NRXN1: variants seen among roughly 807,000 people sequenced by gnomAD.
NRXN1 encodes the protein neurexin-1.
Under a neutral mutation model 150.9 loss-of-function variants are expected in NRXN1, and 39 were observed. The observed-to-expected ratio is 0.26, with a 90% CI of 0.20 to 0.34. NRXN1 has a LOEUF of 0.34. Among genes scored for constraint, NRXN1 ranks in the 10% least tolerant of loss-of-function variants. NRXN1 has a pLI of 1.00. For missense variants in NRXN1, 1,815 were observed against 1,949.9 expected, an observed-to-expected ratio of 0.93 and a Z score of 1.30; for synonymous variants, 924 against 757.0, an observed-to-expected ratio of 1.22 and a Z score of -3.62.
chr2:50,036,329 T>G (rs1690030148), intron 21 of NRXN1, among the ~76,000 whole-genome samples: 1 of 152,120 alleles, frequency 6.6e-6, no homozygotes, highest in Admixed American at 6.6e-5. Context: ...CCTTTGCCTT[T>G]CACCATGATT....
chr2:50,382,368 G>T (rs747762523), intron 17 of NRXN1, among the ~76,000 whole-genome samples: 1 of 152,170 alleles, frequency 6.6e-6, no homozygotes, highest in South Asian at 2.1e-4. Context: ...ATAACAAATT[G>T]TGGTTAGACA....
intron 17 of NRXN1, among the ~76,000 whole-genome samples, chr2:50,358,852 G>T (rs947605168): frequency 1.8e-4 from 27 of 152,196 alleles, no homozygotes; most frequent in African/African-American, 6.5e-4. Flanking sequence ...CATCTGGCAG[G>T]TGTCCCACTG....
chr2:50,317,681 A>AGTAAAACCATG (rs550326811), intron 17 of NRXN1, among the ~76,000 whole-genome samples: 7 of 152,148 alleles, frequency 4.6e-5, no homozygotes, highest in Non-Finnish European at 1.0e-4. Context: ...AAAGAAGAAA[A>AGTAAAACCATG]GTAAAACCAT....
intron 8 of NRXN1, among the ~76,000 whole-genome samples, chr2:50,553,384 T>A (rs1667798442): frequency 6.6e-6 from 1 of 152,218 alleles, no homozygotes; most frequent in South Asian, 2.1e-4. Flanking sequence ...GTTTCATAGT[T>A]GTCTATGATA....
At chr2:50,530,318 G>A (rs1475421206) in intron 11 of NRXN1, among the ~76,000 whole-genome samples, 1 of 152,104 alleles carries the variant, frequency 6.6e-6, no homozygotes, top group East Asian at 1.9e-4. Flanking sequence ...AATACTTCAT[G>A]TTGATGGCAT....
intron 5 of NRXN1, among the ~76,000 whole-genome samples, chr2:50,795,790 C>T (rs1706736071): frequency 6.6e-6 from 1 of 152,042 alleles, no homozygotes; most frequent in Non-Finnish European, 1.5e-5. Context: ...CTTTGTGTAT[C>T]CCTATGGTGC....
chr2:50,350,053 G>C (rs1484096831), intron 17 of NRXN1, among the ~76,000 whole-genome samples: 2 of 152,298 alleles, frequency 1.3e-5, no homozygotes, highest in East Asian at 3.9e-4. Context: ...TGTGAACACT[G>C]AATTAGCAAA....
intron 17 of NRXN1, among the ~76,000 whole-genome samples, chr2:50,358,739 C>T (rs903327246): frequency 6.6e-6 from 1 of 152,242 alleles, no homozygotes; most frequent in Non-Finnish European, 1.5e-5. Context: ...TGCTAAGGGA[C>T]AGACTGCCTT....
rs1002914606 is a variant in NRXN1, at chr2:50,373,858, T to C, written c.3364+91584A>G. Among the ~76,000 whole-genome samples the C allele has an allele frequency of 5.9e-5, 9 of 152,108 alleles. No individual in the cohort carries two copies. The South Asian group carries it at 1.0e-3, about 17-fold the overall frequency. ...TTAGCCCCAAAGTTATTTGTGATTA[T>C]TATTTGCTTTTGAGTTCTTGTATTT... On this transcript the variant is annotated intron_variant, in intron 17 of 22. Coordinates refer to ENST00000401669, the MANE Select transcript of NRXN1 (RefSeq NM_001330078.2).
chr2:50,593,278 C>G (rs996088358), intron 8 of NRXN1, among the ~76,000 whole-genome samples: 3 of 152,146 alleles, frequency 2.0e-5, no homozygotes, highest in Admixed American at 2.0e-4. Flanking sequence ...TTCCAGTCAG[C>G]CCAGCTCCAC....
At chr2:50,099,820 G>C (rs1700761215) in intron 18 of NRXN1, among the ~76,000 whole-genome samples, 1 of 152,116 alleles carries the variant, frequency 6.6e-6, no homozygotes, top group Non-Finnish European at 1.5e-5. Context: ...ATCTATCTAT[G>C]ACTTGGATCA....
chr2:50,055,674 G>C (rs1212538468), intron 19 of NRXN1, among the ~76,000 whole-genome samples: 1 of 152,128 alleles, frequency 6.6e-6, no homozygotes, highest in Admixed American at 6.6e-5. Context: ...GCATCATCCA[G>C]ATACGTTATT....
intron 17 of NRXN1, among the ~76,000 whole-genome samples, chr2:50,263,172 AC>A (rs2068481439): frequency 6.7e-6 from 1 of 149,230 alleles, no homozygotes; most frequent in East Asian, 2.0e-4. Flanking sequence ...ACACACACAC[AC>A]ACACACACAC....
chr2:50,687,236 G>A (rs1691371117), intron 5 of NRXN1, among the ~76,000 whole-genome samples: 1 of 152,140 alleles, frequency 6.6e-6, no homozygotes, highest in Non-Finnish European at 1.5e-5. Context: ...AGCAATTCTG[G>A]ATAACTGAAT....
At chr2:50,147,506 G>C (rs116552405) in intron 18 of NRXN1, among the ~76,000 whole-genome samples, 1,631 of 151,864 alleles carry the variant, frequency 0.011, 38 homozygotes, top group African/African-American at 0.038. Context: ...AAGAGAGCTA[G>C]AAAGGACAAA....
intron 18 of NRXN1, among the ~76,000 whole-genome samples, chr2:50,125,493 A>AT (rs1408289225): frequency 2.0e-5 from 3 of 152,060 alleles, no homozygotes; most frequent in Non-Finnish European, 4.4e-5. Context: ...CAACCTAGCT[A>AT]TTTCTTTTTC....
intron 8 of NRXN1, among the ~76,000 whole-genome samples, chr2:50,603,188 A>G (rs986567614): frequency 2.6e-5 from 4 of 152,204 alleles, no homozygotes; most frequent in African/African-American, 9.6e-5. Flanking sequence ...AAGCATATCC[A>G]GTATTTTGAA....
At chr2:50,615,633 T>A (rs1463824736) in intron 8 of NRXN1, 1 of 152,026 alleles carries the variant, frequency 6.6e-6, no homozygotes, top group Admixed American at 6.6e-5. Context: ...ACTAGTGAGA[T>A]TTTCATCTAT....
intron 5 of NRXN1, among the ~76,000 whole-genome samples, chr2:50,837,308 C>T (rs1257742727): frequency 2.0e-5 from 3 of 152,072 alleles, no homozygotes; most frequent in African/African-American, 7.2e-5. Context: ...TGATATCAAT[C>T]GTTTACTAGT....
Sources: gnomAD v4.1 joint callset for allele counts (sites outside exome capture counted in the v4.1 genomes callset) on GRCh38, gnomAD v4.1.1 for gene constraint, MANE v1.5 for transcripts, NCBI Gene and HGNC (gene_info 2026-07-23, HGNC 2026-07-21) for gene names.